The following DLG3 variants were observed in gnomAD, a reference collection of about 807,000 sequenced individuals.
The protein encoded by DLG3 is disks large homolog 3.
In DLG3, 1 loss-of-function variant was observed where a neutral mutation model predicts 64.1. The observed-to-expected ratio is 0.02, with a 90% CI of 0.01 to 0.07. The LOEUF (loss-of-function observed/expected upper bound fraction) is 0.07. Ranked by LOEUF, DLG3 falls within the 10% of genes least tolerant of loss-of-function variation. The pLI is 1.00. For synonymous variants in DLG3, 245 were observed against 259.8 expected, an observed-to-expected ratio of 0.94 and a Z score of 0.55; for missense variants, 429 against 669.5, an observed-to-expected ratio of 0.64 and a Z score of 3.96.
intron 1 of DLG3, chrX:70,448,585 G>A (rs1228255595): frequency 4.3e-6 from 5 of 1,163,307 alleles, no homozygotes; most frequent in Non-Finnish European, 5.7e-6. Context: ...CTTAGGCCAG[G>A]CCTGCACCCC....
chrX:70,492,320 C>T, intron 11 of DLG3, 37 bp downstream of exon 11: 3 of 1,199,262 alleles, frequency 2.5e-6, no homozygotes, highest in Non-Finnish European at 3.4e-6. Flanking sequence ...CCTTTCCTGC[C>T]CTCTTGCTGG....
chrX:70,467,844 G>A (rs967098598), intron 9 of DLG3, among the ~76,000 whole-genome samples: 1 of 111,492 alleles, frequency 9.0e-6, no homozygotes, highest in African/African-American at 3.3e-5. Context: ...TTTGGCTTAT[G>A]GGTTGCAAGA....
At chrX:70,483,913 A>G (rs2087210471) in intron 10 of DLG3, among the ~76,000 whole-genome samples, 1 of 112,060 alleles carries the variant, frequency 8.9e-6, no homozygotes, top group Non-Finnish European at 1.9e-5. Context: ...TGCCTTGCCC[A>G]CTGGAAGAGT....
Position 70,498,641 on chromosome X carries a change from G to A in DLG3, c.1870+71G>A, listed in dbSNP as rs2087499959. 39 of 1,023,050 alleles carry A rather than the reference G, an allele frequency of 3.8e-5. No individual in the cohort carries two copies. The Middle Eastern group carries it at 1.5e-3, about 39-fold the overall frequency. The allele number at this position is 1,023,050 out of a possible 1,213,427, so 84.3% of individuals were successfully genotyped here. ...GTGGGGCTCAATACAGTGGGTGGCT[G>A]TGGCAGCAGAGGGAGGGACCTGGAG... On this transcript the variant is annotated intron_variant, in intron 14 of 18. Coordinates refer to ENST00000374360, the MANE Select transcript of DLG3 (RefSeq NM_021120.4).
intron 9 of DLG3, among the ~76,000 whole-genome samples, chrX:70,468,128 G>T (rs754626818): frequency 9.0e-6 from 1 of 111,407 alleles, no homozygotes; most frequent in African/African-American, 3.3e-5. Context: ...GGAGTGCAGC[G>T]GCGCGATCTC....
At chrX:70,446,900 A>G (rs1026211874) in intron 1 of DLG3, among the ~76,000 whole-genome samples, 1 of 111,953 alleles carries the variant, frequency 8.9e-6, no homozygotes, top group Non-Finnish European at 1.9e-5. Flanking sequence ...ATGTGCTCTC[A>G]CTCAGAGGCA....
chrX:70,485,645 A>G (rs1368007413), intron 10 of DLG3, among the ~76,000 whole-genome samples: 1 of 111,969 alleles, frequency 8.9e-6, no homozygotes, highest in Admixed American at 9.4e-5. Flanking sequence ...CTGCTTGACC[A>G]GTTTCCTTCT....
At chrX:70,452,234 CAG>C (rs1239088638) in intron 7 of DLG3, 2 of 1,076,632 alleles carry the variant, frequency 1.9e-6, no homozygotes, top group African/African-American at 3.8e-5. Context: ...GCTCTACCAT[CAG>C]GGGGAGTGCC....
chrX:70,468,109 G>T (rs1314941120), intron 9 of DLG3, among the ~76,000 whole-genome samples: 1 of 110,986 alleles, frequency 9.0e-6, no homozygotes, highest in Non-Finnish European at 1.9e-5. Context: ...TCACTCTGTC[G>T]CCCAGGCTGG....
chrX:70,463,706 G>A (rs1264495382), intron 9 of DLG3, among the ~76,000 whole-genome samples: 1 of 111,769 alleles, frequency 8.9e-6, no homozygotes, highest in Non-Finnish European at 1.9e-5. Context: ...CTGACTTAGA[G>A]TAGCTGAATG....
At chrX:70,486,668 T>TTTTTTTTTTC (rs776074653) in intron 10 of DLG3, among the ~76,000 whole-genome samples, 1 of 101,743 alleles carries the variant, frequency 9.8e-6, no homozygotes, top group African/African-American at 3.5e-5. Flanking sequence ...TTTTTTTTTT[T>TTTTTTTTTTC]TCATGCTCAC....
At chrX:70,482,629 G>C (rs1209113892) in intron 10 of DLG3, among the ~76,000 whole-genome samples, 2 of 100,104 alleles carry the variant, frequency 2.0e-5, no homozygotes, top group Non-Finnish European at 2.0e-5. Flanking sequence ...TAGTGCTTTG[G>C]ATTCATCAGG....
chrX:70,460,075 G>C (rs2086776016), intron 9 of DLG3, among the ~76,000 whole-genome samples: 2 of 110,678 alleles, frequency 1.8e-5, no homozygotes, highest in Admixed American at 9.6e-5. Context: ...ACGAGGTCAA[G>C]AGATCGAGAC....
chrX:70,453,525 G>A, intron 7 of DLG3, 112 bp from the exon 8 acceptor site: 1 of 1,090,902 alleles, frequency 9.2e-7, no homozygotes, highest in Non-Finnish European at 1.2e-6. Flanking sequence ...TCATACATAG[G>A]GAACCACGTC....
chrX:70,470,508 G>A (rs1386856109), intron 9 of DLG3, among the ~76,000 whole-genome samples: 4 of 111,938 alleles, frequency 3.6e-5, no homozygotes, highest in Non-Finnish European at 7.5e-5. Flanking sequence ...TGGAATTATA[G>A]GAGTGAGCCA....
chrX:70,445,460 C>A lies in DLG3; in HGVS notation c.259C>A (p.Pro87Thr). Residue 87 changes from proline to threonine, a missense_variant, in exon 1 of 19, where the codon CCT becomes ACT. Coordinates refer to ENST00000374360, the MANE Select transcript of DLG3 (RefSeq NM_021120.4). ...CGGCCGGGATGTGGGGCCGGTGCCT[C>A]CTAAGCCAGTCCCGGGCAAGAGCAC... ...PTGRDVGPVP[P>T]KPVPGKSTPK... 8.3e-7 allele frequency: 1 copy of A among 1,202,938 alleles called. No homozygotes were observed. The highest frequency in any genetic ancestry group is 1.1e-6 in the Non-Finnish European group (1 of 891,650).
chrX:70,448,778 C>G, intron 1 of DLG3, 135 bp from the exon 2 acceptor site: 3 of 965,459 alleles, frequency 3.1e-6, no homozygotes, highest in Non-Finnish European at 4.4e-6. Context: ...CTGTCCTCAT[C>G]TGTGGCCAAG....
At position 70,498,504 on chromosome X, in the gene DLG3, C is replaced by G. The variant is rs2087496253; in HGVS notation, c.1820-16C>G. ...CAGATCATATGGTGCTAACCTATCT[C>G]TCTTTTTTGTTGCAGAAGGACAAGA... is the stretch of plus-strand genomic sequence containing the variant. On this transcript the variant is annotated splice_polypyrimidine_tract_variant and intron_variant, in intron 13 of 18. Transcript: ENST00000374360. 8.3e-7 allele frequency: 1 copy of G among 1,206,797 alleles called. No homozygotes were observed. Among genetic ancestry groups the G allele is most frequent in the African/African-American group, 1.7e-5 (1 of 57,240 alleles).
chrX:70,458,119 T>G (rs2086746518), intron 9 of DLG3, among the ~76,000 whole-genome samples: 1 of 104,684 alleles, frequency 9.6e-6, no homozygotes, highest in African/African-American at 3.5e-5. Flanking sequence ...CAAGCATTCT[T>G]CCTGCCTTGG....
Sources: gnomAD v4.1 joint callset for allele counts (sites outside exome capture counted in the v4.1 genomes callset) on GRCh38, gnomAD v4.1.1 for gene constraint, MANE v1.5 for transcripts, NCBI Gene and HGNC (gene_info 2026-07-23, HGNC 2026-07-21) for gene names.